The following TMEM117 variants were observed in gnomAD, a reference collection of about 807,000 sequenced individuals.
TMEM117 encodes transmembrane protein 117.
Under a neutral mutation model 52.4 loss-of-function variants are expected in TMEM117, and 27 were observed. That is an observed-to-expected ratio of 0.51 (90% CI 0.38 to 0.71). The LOEUF is 0.71. Ranked by LOEUF, TMEM117 falls within the 30% of genes least tolerant of loss-of-function variation. The probability of loss-of-function intolerance (pLI) is 0.00; values close to 1 mark genes in which losing one functional copy is unlikely to be tolerated. For synonymous variants in TMEM117, 215 were observed against 206.3 expected, an observed-to-expected ratio of 1.04 and a Z score of -0.36; for missense variants, 556 against 630.5, an observed-to-expected ratio of 0.88 and a Z score of 1.26.
chr12:44,302,236 C>T (rs987152158), intron 6 of TMEM117, among the ~76,000 whole-genome samples: 3 of 152,180 alleles, frequency 2.0e-5, no homozygotes, highest in Non-Finnish European at 2.9e-5. Context: ...CACTTCTCAG[C>T]CCTAGATATT....
intron 3 of TMEM117, among the ~76,000 whole-genome samples, chr12:43,995,569 G>A (rs992840229): frequency 6.6e-6 from 1 of 152,112 alleles, no homozygotes; most frequent in African/African-American, 2.4e-5. Context: ...GGGAACAGGT[G>A]GTGTTTGGTT....
intron 3 of TMEM117, among the ~76,000 whole-genome samples, chr12:43,955,688 A>G (rs1431992611): frequency 6.6e-6 from 1 of 152,198 alleles, no homozygotes; most frequent in Non-Finnish European, 1.5e-5. Flanking sequence ...AGGAAGAATC[A>G]ATGTCATGAA....
chr12:44,301,422 A>G (rs1592677345), intron 6 of TMEM117, among the ~76,000 whole-genome samples: 2 of 152,316 alleles, frequency 1.3e-5, no homozygotes, highest in Middle Eastern at 3.4e-3. Flanking sequence ...TAAAATGTTA[A>G]TAACATGCTG....
intron 3 of TMEM117, among the ~76,000 whole-genome samples, chr12:43,967,895 G>A (rs1945512331): frequency 6.6e-6 from 1 of 152,202 alleles, no homozygotes; most frequent in East Asian, 1.9e-4. Flanking sequence ...GTGTGCGTGT[G>A]GACACGCACA....
intron 5 of TMEM117, among the ~76,000 whole-genome samples, chr12:44,278,880 A>G (rs1950545964): frequency 6.6e-6 from 1 of 152,230 alleles, no homozygotes; most frequent in African/African-American, 2.4e-5. Context: ...ATCCCTAGAT[A>G]TCACATGATC....
chr12:44,156,347 A>C (rs180997252), intron 4 of TMEM117, among the ~76,000 whole-genome samples: 8 of 152,070 alleles, frequency 5.3e-5, no homozygotes, highest in Admixed American at 5.3e-4. Context: ...TAAATCTCTT[A>C]AGCAGTTTAT....
At chr12:43,803,788 A>C in the TMEM117 span, among the ~76,000 whole-genome samples, 1 of 152,148 alleles carries the variant, frequency 6.6e-6, no homozygotes, top group Admixed American at 6.5e-5. Flanking sequence ...AAAACAAATT[A>C]GATTTACTTC....
intron 2 of TMEM117, among the ~76,000 whole-genome samples, chr12:43,899,187 CA>C (rs1161577114): frequency 3.9e-5 from 6 of 152,150 alleles, no homozygotes; most frequent in African/African-American, 1.4e-4. Context: ...TGTTTAATTA[CA>C]AAACCCAAAA....
chr12:44,339,468 A>T (rs1951387353), intron 6 of TMEM117, among the ~76,000 whole-genome samples: 1 of 152,096 alleles, frequency 6.6e-6, no homozygotes, highest in South Asian at 2.1e-4. Flanking sequence ...AAGCAAGATC[A>T]TCATGCTTGC....
chr12:43,906,234 A>G (rs10736017), intron 2 of TMEM117, among the ~76,000 whole-genome samples: 119,088 of 152,148 alleles, frequency 0.78, 49,098 homozygotes, highest in Non-Finnish European at 0.9. Flanking sequence ...AGGCTGAGGA[A>G]GGTGGATCTC....
At chr12:44,272,933 G>A (rs892429082) in intron 5 of TMEM117, among the ~76,000 whole-genome samples, 4 of 152,124 alleles carry the variant, frequency 2.6e-5, no homozygotes, top group African/African-American at 9.7e-5. Flanking sequence ...TATGTTTATT[G>A]TGGCGCTATT....
chr12:44,152,299 T>C (rs1266571427), intron 4 of TMEM117, among the ~76,000 whole-genome samples: 6 of 111,012 alleles, frequency 5.4e-5, no homozygotes, highest in Admixed American at 3.5e-4. Flanking sequence ...ATATTTATAA[T>C]ATTTATATAT....
At chr12:43,855,468 G>A (rs1943384660) in intron 2 of TMEM117, among the ~76,000 whole-genome samples, 1 of 152,020 alleles carries the variant, frequency 6.6e-6, no homozygotes, top group South Asian at 2.1e-4. Flanking sequence ...AAATGCTGTA[G>A]TTAAAAAAAT....
At chr12:43,990,517 A>G (rs1945920981) in intron 3 of TMEM117, among the ~76,000 whole-genome samples, 2 of 152,188 alleles carry the variant, frequency 1.3e-5, no homozygotes, top group South Asian at 4.1e-4. Context: ...TCACACCGTA[A>G]AAGATTTTTT....
At chr12:44,286,166 AAAG>A (rs1170467368) in intron 5 of TMEM117, among the ~76,000 whole-genome samples, 1 of 152,024 alleles carries the variant, frequency 6.6e-6, no homozygotes, top group East Asian at 1.9e-4. Context: ...AGTATTATAA[AAAG>A]AAATCAAAGT....
intron 5 of TMEM117, among the ~76,000 whole-genome samples, chr12:44,251,248 G>A (rs1241843370): frequency 2.6e-5 from 4 of 152,034 alleles, no homozygotes; most frequent in African/African-American, 9.7e-5. Context: ...TAATTTAATG[G>A]GATATAAAAT....
intron 6 of TMEM117, among the ~76,000 whole-genome samples, chr12:44,373,020 A>G (rs1236694002): frequency 6.6e-6 from 1 of 152,266 alleles, no homozygotes; most frequent in Non-Finnish European, 1.5e-5. Context: ...ATGGGCTAAT[A>G]ATAGCAACTA....
At chr12:44,102,954 T>G (rs1161726848) in intron 3 of TMEM117, among the ~76,000 whole-genome samples, 1 of 151,998 alleles carries the variant, frequency 6.6e-6, no homozygotes, top group Non-Finnish European at 1.5e-5. Context: ...GCCACTGCCA[T>G]GTGAAGAAGG....
At chr12:43,987,113 C>T (rs960570841) in intron 3 of TMEM117, among the ~76,000 whole-genome samples, 5 of 152,082 alleles carry the variant, frequency 3.3e-5, no homozygotes, top group Admixed American at 3.3e-4. Context: ...GGATAGGCCC[C>T]AATCCAATAT....
Sources: allele counts gnomAD v4.1 joint callset (sites outside exome capture counted in the v4.1 genomes callset), GRCh38; gene constraint gnomAD v4.1.1; transcripts MANE v1.5; gene names NCBI Gene and HGNC (gene_info 2026-07-23, HGNC 2026-07-21).